LRP5: variants seen among roughly 807,000 people sequenced by gnomAD.
LRP5 encodes LDL receptor related protein 5, also known as low-density lipoprotein receptor-related protein 5.
LRP5 carries 62 observed loss-of-function variants against 154.1 expected under a neutral mutation model. The ratio of observed to expected loss-of-function variants is 0.40; its 90% confidence interval spans 0.33 to 0.50. The LOEUF (loss-of-function observed/expected upper bound fraction) is 0.50. LRP5 is among the 20% of genes least tolerant of loss of function. The pLI, the probability that LRP5 is intolerant of heterozygous loss-of-function variation, is 0.55. For missense variants in LRP5, 1,915 were observed against 2,336.7 expected (o/e 0.82, Z 3.72); for synonymous variants, 966 against 1,011.5 (o/e 0.96, Z 0.85).
chr11:68,395,263 T>C (rs1194185430), intron 7 of LRP5, among the ~76,000 whole-genome samples: 2 of 141,938 alleles, frequency 1.4e-5, no homozygotes, highest in African/African-American at 5.3e-5. Flanking sequence ...ATCCCGCCAC[T>C]GCACTCCAGC....
Position 68,438,456 on chromosome 11 carries a change from G to C in LRP5, c.4122G>C (p.Lys1374Asn), listed in dbSNP as rs2098676246. ...GSDELMCEITKPPSDDSPAHS... is the reference protein window; with the variant it reads ...GSDELMCEITNPPSDDSPAHS... ...GTTTGTCTCTGGCAGAAATCACCAA[G>C]CCGCCCTCAGACGACAGCCCGGCCC... The change falls in exon 20 of 23, where the codon AAG (lysine) becomes AAC (asparagine). Residue 1374 changes from lysine (K) to asparagine (N), a missense_variant. By Grantham distance (94) the Lys-to-Asn change is moderately conservative. Around this residue, in one of 3 missense-constraint regions of LRP5, gnomAD observed 1,094 missense variants for 1,210.1 expected, o/e 0.90. Coordinates refer to ENST00000294304, the MANE Select transcript of LRP5 (RefSeq NM_002335.4). The C allele has an allele frequency of 1.9e-6, 3 of 1,614,014 alleles. No individual in the cohort carries two copies. The African/African-American group carries it at 4.0e-5, about 22-fold the overall frequency.
At position 68,445,736 on chromosome 11, in the gene LRP5, C is replaced by G. The variant is rs750729502; in HGVS notation, c.4489-700C>G. ...GCCCAGGGCCCCTGGTCCCTTCCTC[C>G]CTTTGTAGGGCTGGTTGTGTGCTGC... On this transcript the variant is annotated intron_variant, in intron 21 of 22. Transcript: ENST00000294304. The G allele has an allele frequency of 8.7e-6, 10 of 1,146,822 alleles. No homozygotes were observed. In the South Asian group the frequency reaches 1.3e-4, roughly 15 times the overall value. The allele number at this position is 1,146,822 out of a possible 1,614,324, so 71.0% of individuals were successfully genotyped here.
At chr11:68,372,501 A>ACCGTGGCGGCAAGGAGGTG (rs1565353667) in intron 5 of LRP5, among the ~76,000 whole-genome samples, 1 of 151,418 alleles carries the variant, frequency 6.6e-6, no homozygotes, top group African/African-American at 2.4e-5. Context: ...CAGACCGGGG[A>ACCGTGGCGGCAAGGAGGTG]CTTGGAGCAC....
rs80358315 is a variant in LRP5 at position 68,410,124 on chromosome 11, C to G, written c.2302C>G (p.Leu768Val). 1 of 1,613,692 alleles carries G rather than the reference C, an allele frequency of 6.2e-7. No homozygotes were observed. Among genetic ancestry groups the G allele is most frequent in the Non-Finnish European group, 8.5e-7 (1 of 1,179,996 alleles). Reference protein sequence around the residue: ...RDLDNPRSLALDPTKGYIYWT... With the variant: ...RDLDNPRSLAVDPTKGYIYWT... ...CTTGGACAACCCGAGGTCGCTGGCC[C>G]TGGATCCCACCAAGGGGTAAGTGTT... Residue 768 changes from leucine to valine, a missense_variant, in exon 10 of 23, where the codon CTG becomes GTG. Coordinates refer to ENST00000294304, the MANE Select transcript of LRP5 (RefSeq NM_002335.4).
At chr11:68,399,513 T>C (rs2098651447) in intron 7 of LRP5, among the ~76,000 whole-genome samples, 1 of 152,262 alleles carries the variant, frequency 6.6e-6, no homozygotes, top group Non-Finnish European at 1.5e-5. Context: ...AAAAGTTTGC[T>C]GACCTCTGTC....
chr11:68,393,472 G>A (rs556592991), intron 7 of LRP5, among the ~76,000 whole-genome samples: 1 of 152,300 alleles, frequency 6.6e-6, no homozygotes, highest in Non-Finnish European at 1.5e-5. Flanking sequence ...CCTCACAAAC[G>A]CTTCTTTTCC....
chr11:68,395,170 G>A (rs979546983), intron 7 of LRP5, among the ~76,000 whole-genome samples: 12 of 152,036 alleles, frequency 7.9e-5, no homozygotes, highest in African/African-American at 2.4e-4. Context: ...GCGTGATGGT[G>A]CATACCTGTA....
chr11:68,312,743 G>T lies in LRP5; in HGVS notation c.29G>T (p.Trp10Leu). ...GAGGCAGCGCCGCCCGGGCCGCCGT[G>T]GCCGCTGCTGCTGCTGCTGCTGCTG... MEAAPPGPP[W>L]PLLLLLLLLL... The change falls in exon 1 of 23, where the codon TGG becomes TTG. Residue 10 changes from tryptophan to leucine, a missense_variant. Coordinates refer to ENST00000294304, the MANE Select transcript of LRP5 (RefSeq NM_002335.4). 1 of 1,060,620 alleles carries T rather than the reference G, an allele frequency of 9.4e-7. No individual in the cohort carries two copies. 65.7% of individuals were successfully genotyped at this position (1,060,620 alleles called of 1,614,324 possible). A position where few individuals can be genotyped will look rare whatever the true frequency, so the allele number is the denominator to read the frequency against.
chr11:68,406,717 C>T lies in LRP5; in HGVS notation c.1995C>T (p.Asn665=), dbSNP rs150471658. The T allele has an allele frequency of 1.3e-5, 21 of 1,614,066 alleles. No individual in the cohort carries two copies. The Admixed American group carries it at 2.2e-4, about 17-fold the overall frequency. ...GGATCTCCCTCGAGACCAATAACAA[C>T]GACGTGGCCATCCCGCTCACGGGCG... ...IHRISLETNN[N]DVAIPLTGVK... is the part of the protein sequence containing the mutation. Residue 665 remains asparagine, a synonymous_variant, in exon 9 of 23, where the codon AAC becomes AAT. Transcript: ENST00000294304.
chr11:68,304,510 A>G, the LRP5 span, among the ~76,000 whole-genome samples: 1 of 152,240 alleles, frequency 6.6e-6, no homozygotes, highest in African/African-American at 2.4e-5. Flanking sequence ...CACTGGGACA[A>G]TGCCTAGTGG....
At chr11:68,299,092 C>T in the LRP5 span, among the ~76,000 whole-genome samples, 1 of 152,242 alleles carries the variant, frequency 6.6e-6, no homozygotes, top group Non-Finnish European at 1.5e-5. Flanking sequence ...CTCCACCAAC[C>T]AGCTGCCCCT....
intron 9 of LRP5, among the ~76,000 whole-genome samples, chr11:68,407,250 C>T (rs2098656255): frequency 6.6e-6 from 1 of 151,222 alleles, no homozygotes; most frequent in Admixed American, 6.6e-5. Flanking sequence ...CTCACTGCAA[C>T]CTCCGCCTCC....
intron 7 of LRP5, among the ~76,000 whole-genome samples, chr11:68,393,086 C>T (rs546411192): frequency 1.3e-5 from 2 of 151,380 alleles, no homozygotes; most frequent in African/African-American, 4.9e-5. Flanking sequence ...GCTATGATCG[C>T]ACCACTGCAC....
At chr11:68,417,235 A>G (rs2098663051) in intron 13 of LRP5, among the ~76,000 whole-genome samples, 1 of 152,078 alleles carries the variant, frequency 6.6e-6, no homozygotes, top group Admixed American at 6.6e-5. Flanking sequence ...TTCTCACCCC[A>G]GGCGTGGAGA....
chr11:68,351,356 C>G (rs1319546482), intron 2 of LRP5, among the ~76,000 whole-genome samples: 1 of 152,160 alleles, frequency 6.6e-6, no homozygotes, highest in Admixed American at 6.5e-5. Context: ...AACTGTTGCC[C>G]TCTCAGCCCT....
At chr11:68,415,549 C>T (rs1170882684) in intron 12 of LRP5, among the ~76,000 whole-genome samples, 1 of 151,472 alleles carries the variant, frequency 6.6e-6, no homozygotes, top group Non-Finnish European at 1.5e-5. Context: ...AGTTCAAGAC[C>T]AGCCTGGCCA....
chr11:68,338,906 C>T (rs1183306316), intron 1 of LRP5, among the ~76,000 whole-genome samples: 6 of 115,398 alleles, frequency 5.2e-5, no homozygotes, highest in Admixed American at 1.1e-4. Context: ...CAGAATCTCA[C>T]TCTGTCACCC....
At chr11:68,387,723 AC>A (rs1263783479) in intron 6 of LRP5, among the ~76,000 whole-genome samples, 9 of 152,142 alleles carry the variant, frequency 5.9e-5, no homozygotes, top group Admixed American at 1.3e-4. Context: ...GAATGGGAAA[AC>A]CCTGATGGAG....
chr11:68,443,929 G>T (rs1457270216), intron 21 of LRP5, among the ~76,000 whole-genome samples: 1 of 151,738 alleles, frequency 6.6e-6, no homozygotes, highest in African/African-American at 2.4e-5. Context: ...AAAGTGCTGG[G>T]ATTACAGACG....
Sources: gnomAD v4.1 joint callset for allele counts (sites outside exome capture counted in the v4.1 genomes callset) on GRCh38, gnomAD v4.1.1 for gene constraint, gnomAD v4.1.1 regional missense constraint, MANE v1.5 for transcripts, NCBI Gene and HGNC (gene_info 2026-07-23, HGNC 2026-07-21) for gene names.